ASB4: variants seen among roughly 807,000 people sequenced by gnomAD.
The protein encoded by ASB4 is ankyrin repeat and SOCS box protein 4.
A neutral mutation model predicts 38.6 loss-of-function variants in ASB4; 35 were observed. That is an observed-to-expected ratio of 0.91 (90% CI 0.69 to 1.20). The LOEUF is 1.20. Ranked by LOEUF, ASB4 falls within the 50% of genes most tolerant of loss-of-function variation. The probability of loss-of-function intolerance (pLI) is 0.00; values close to 1 mark genes in which losing one functional copy is unlikely to be tolerated. For missense variants in ASB4, 557 were observed against 527.2 expected, an observed-to-expected ratio of 1.06 and a Z score of -0.55; for synonymous variants, 195 against 201.3, an observed-to-expected ratio of 0.97 and a Z score of 0.26.
intron 3 of ASB4, chr7:95,528,812 C>A: frequency 1.9e-6 from 1 of 516,134 alleles, no homozygotes; most frequent in Non-Finnish European, 2.5e-6. Flanking sequence ...TTTTGTATGT[C>A]TTCATTTAAT....
At chr7:95,551,281 A>G in the ASB4 span, among the ~76,000 whole-genome samples, 2 of 152,208 alleles carry the variant, frequency 1.3e-5, no homozygotes, top group African/African-American at 4.8e-5. Flanking sequence ...GCGCCTGACC[A>G]GTTTTTAAAT....
chr7:95,531,486 T>G (rs1790819244), intron 3 of ASB4, among the ~76,000 whole-genome samples: 2 of 152,196 alleles, frequency 1.3e-5, no homozygotes, highest in Admixed American at 1.3e-4. Flanking sequence ...GTAATAGCCT[T>G]CTTGTAAGGC....
chr7:95,533,844 C>G (rs1267405929), intron 3 of ASB4, among the ~76,000 whole-genome samples: 2 of 152,124 alleles, frequency 1.3e-5, no homozygotes, highest in African/African-American at 4.8e-5. Context: ...AGTAAGTCCT[C>G]GAAAAATGGT....
intron 2 of ASB4, among the ~76,000 whole-genome samples, chr7:95,525,573 C>T (rs1296379739): frequency 6.6e-6 from 1 of 151,956 alleles, no homozygotes; most frequent in Non-Finnish European, 1.5e-5. Context: ...TCGTAAATGT[C>T]CAAGTACATT....
downstream of ASB4, chr7:95,544,645 T>TA (rs1791009838): frequency 1.3e-5 from 2 of 152,326 alleles, no homozygotes. Flanking sequence ...TAATGGTGAT[T>TA]AACTACTTGA....
At chr7:95,525,195 T>G (rs1790720434) in intron 2 of ASB4, among the ~76,000 whole-genome samples, 1 of 152,238 alleles carries the variant, frequency 6.6e-6, no homozygotes. Context: ...CTCCAAAGTC[T>G]CTGGAAGAAA....
At chr7:95,521,655 A>T (rs1362006767) in intron 2 of ASB4, among the ~76,000 whole-genome samples, 1 of 149,838 alleles carries the variant, frequency 6.7e-6, no homozygotes, top group Non-Finnish European at 1.5e-5. Flanking sequence ...ACTGTGGTTT[A>T]TACAAGGTAA....
intron 2 of ASB4, among the ~76,000 whole-genome samples, chr7:95,514,657 C>G (rs955615896): frequency 5.9e-5 from 9 of 152,168 alleles, no homozygotes; most frequent in African/African-American, 2.2e-4. Context: ...TAGTCACTAC[C>G]TGTCTTACCC....
At chr7:95,515,213 C>CT (rs1385424220) in intron 2 of ASB4, among the ~76,000 whole-genome samples, 54 of 122,914 alleles carry the variant, frequency 4.4e-4, no homozygotes, top group African/African-American at 1.8e-3. Flanking sequence ...TTCTTTCTTT[C>CT]TTTCTTTCTT....
At chr7:95,541,420 T>G (rs1385759131), downstream of ASB4, among the ~76,000 whole-genome samples, 1 of 152,168 alleles carries the variant, frequency 6.6e-6, no homozygotes, top group Non-Finnish European at 1.5e-5. Flanking sequence ...AGTATATCCT[T>G]AGAGTGAATC....
chr7:95,496,512 C>T (rs1050060469), intron 2 of ASB4, among the ~76,000 whole-genome samples: 17 of 152,038 alleles, frequency 1.1e-4, no homozygotes, highest in Non-Finnish European at 1.6e-4. Flanking sequence ...TGTATAAAGT[C>T]TTCTCTAAGG....
chr7:95,517,632 A>T (rs1790602441), intron 2 of ASB4, among the ~76,000 whole-genome samples: 1 of 152,180 alleles, frequency 6.6e-6, no homozygotes, highest in Non-Finnish European at 1.5e-5. Context: ...GAAATGAGTC[A>T]TCAATACCAT....
In ASB4 at chr7:95,515,735, G is replaced by T. The variant is rs559757801; in HGVS notation, c.488-12078G>T. ...CAGCTGCAGTTGCTCTTTCTGTAAG[G>T]CACTGGTTGTAGAATAAACCCTGGT... On this transcript the variant is annotated intron_variant, in intron 2 of 4. Transcript: ENST00000325885. Among the ~76,000 whole-genome samples the T allele has an allele frequency of 2.1e-4, 32 of 152,236 alleles. No homozygotes were observed. The South Asian group carries it at 6.4e-3, about 31-fold the overall frequency.
chr7:95,527,743 T>C, intron 2 of ASB4, 70 bp from the exon 3 acceptor site: 2 of 1,406,902 alleles, frequency 1.4e-6, no homozygotes, highest in Non-Finnish European at 1.9e-6. Flanking sequence ...AGAAAAGTCT[T>C]GTTTAATGAA....
At chr7:95,536,026 G>A (rs1172806009) in intron 3 of ASB4, among the ~76,000 whole-genome samples, 2 of 152,160 alleles carry the variant, frequency 1.3e-5, no homozygotes, top group African/African-American at 2.4e-5. Flanking sequence ...TATGTACAAA[G>A]GCAAAGTAAT....
At chr7:95,478,994 C>T (rs1011654169) in intron 1 of ASB4, among the ~76,000 whole-genome samples, 6 of 152,200 alleles carry the variant, frequency 3.9e-5, no homozygotes, top group African/African-American at 1.4e-4. Flanking sequence ...ACATGGCTGC[C>T]ACAGGGAAGA....
chr7:95,537,408 G>A (rs540527734), intron 4 of ASB4, among the ~76,000 whole-genome samples, 163 bp from the exon 5 acceptor site: 38 of 152,070 alleles, frequency 2.5e-4, no homozygotes, highest in African/African-American at 7.5e-4. Flanking sequence ...GTATACCACC[G>A]CCTCACTGCT....
chr7:95,496,063 C>A lies in ASB4; in HGVS notation c.487+6C>A, dbSNP rs755923726. On this transcript the variant is annotated splice_donor_region_variant and intron_variant, in intron 2 of 4. Coordinates refer to ENST00000325885, the MANE Select transcript of ASB4 (RefSeq NM_016116.3). The stretch of plus-strand genomic sequence containing the variant: ...CAAGCAATTGGTTTGGAGAGGTAAG[C>A]CTTTCTGGGTGGCCAACATTGTTGT... 5 of 1,606,444 alleles carry A rather than the reference C, an allele frequency of 3.1e-6. No individual in the cohort carries two copies. The highest frequency in any genetic ancestry group is 2.2e-5 in the East Asian group (1 of 44,726).
At chr7:95,510,755 A>G (rs1213387182) in intron 2 of ASB4, among the ~76,000 whole-genome samples, 1 of 152,138 alleles carries the variant, frequency 6.6e-6, no homozygotes, top group Non-Finnish European at 1.5e-5. Context: ...TTTAAATTCT[A>G]CAATCAAAAA....
Sources: gnomAD v4.1 joint callset for allele counts (sites outside exome capture counted in the v4.1 genomes callset) on GRCh38, gnomAD v4.1.1 for gene constraint, MANE v1.5 for transcripts, NCBI Gene and HGNC (gene_info 2026-07-23, HGNC 2026-07-21) for gene names.